Variants in TM9SF3 observed in about 807,000 individuals in gnomAD.
TM9SF3 encodes the protein transmembrane 9 superfamily member 3.
In TM9SF3, 14 loss-of-function variants were observed where a neutral mutation model predicts 78.6. That is an observed-to-expected ratio of 0.18 (90% CI 0.12 to 0.28). The LOEUF (loss-of-function observed/expected upper bound fraction) is 0.28. TM9SF3 is among the 10% of genes least tolerant of loss of function. The probability of loss-of-function intolerance (pLI) is 1.00; values close to 1 mark genes in which losing one functional copy is unlikely to be tolerated. For missense variants in TM9SF3, 496 were observed against 721.9 expected, an observed-to-expected ratio of 0.69 and a Z score of 3.59; for synonymous variants, 231 against 241.7, an observed-to-expected ratio of 0.96 and a Z score of 0.41.
intron 1 of TM9SF3, among the ~76,000 whole-genome samples, chr10:96,579,062 G>A (rs1225891838): frequency 6.6e-6 from 1 of 152,106 alleles, no homozygotes; most frequent in Non-Finnish European, 1.5e-5. Context: ...TGGGTAACAG[G>A]GCGAGACTCA....
chr10:96,567,388 C>G (rs1848389520), intron 2 of TM9SF3, among the ~76,000 whole-genome samples: 1 of 152,118 alleles, frequency 6.6e-6, no homozygotes, highest in South Asian at 2.1e-4. Context: ...CCCGGCCAAT[C>G]TGTATAAAGC....
intron 2 of TM9SF3, among the ~76,000 whole-genome samples, chr10:96,572,711 G>A (rs1848450284): frequency 6.6e-6 from 1 of 151,624 alleles, no homozygotes; most frequent in South Asian, 2.1e-4. Context: ...TGTATTTTTA[G>A]TAGAGATGGG....
At chr10:96,524,153 T>C (rs1361494619) in intron 14 of TM9SF3, among the ~76,000 whole-genome samples, 3 of 151,860 alleles carry the variant, frequency 2.0e-5, no homozygotes, top group Non-Finnish European at 4.4e-5. Context: ...TCCCTATTTT[T>C]GTATGTATTT....
Position 96,518,736 on chromosome 10 carries a change from CAT to C in TM9SF3, c.*3525_*3526del, listed in dbSNP as rs758998166. The C allele has an allele frequency of 1.3e-5, 2 of 152,102 alleles. No homozygotes were observed. The highest frequency in any genetic ancestry group is 2.4e-5 in the African/African-American group (1 of 41,444). 9.4% of individuals were successfully genotyped at this position (152,102 alleles called of 1,614,324 possible). ...AAGTCTTACCAGATTTCTGCAGGTT[CAT>C]ATGTTAACGTTCTGATCTAGCCTAC... On this transcript the variant is annotated 3_prime_UTR_variant, in exon 15 of 15. Transcript: ENST00000371142.
intron 2 of TM9SF3, among the ~76,000 whole-genome samples, chr10:96,573,436 C>T (rs1008310406): frequency 3.3e-5 from 5 of 152,190 alleles, no homozygotes; most frequent in African/African-American, 1.2e-4. Context: ...TCAGCATCTA[C>T]TATTTCATCT....
chr10:96,543,926 G>A, intron 9 of TM9SF3, 150 bp downstream of exon 9: 1 of 688,860 alleles, frequency 1.5e-6, no homozygotes, highest in Non-Finnish European at 2.1e-6. Flanking sequence ...GCTAACAACA[G>A]TAGTATTCTC....
intron 9 of TM9SF3, among the ~76,000 whole-genome samples, chr10:96,542,107 TCAAA>T (rs1344906490): frequency 6.6e-6 from 1 of 152,150 alleles, no homozygotes. Flanking sequence ...TGTCAAGAAG[TCAAA>T]CAACTAAAAC....
At chr10:96,568,065 T>C (rs1440502397) in intron 2 of TM9SF3, among the ~76,000 whole-genome samples, 1 of 152,214 alleles carries the variant, frequency 6.6e-6, no homozygotes, top group Admixed American at 6.5e-5. Flanking sequence ...GAAAATCTAT[T>C]ATTATGACAG....
At chr10:96,586,584 G>A in intron 1 of TM9SF3, 150 bp downstream of exon 1, 1 of 573,338 alleles carries the variant, frequency 1.7e-6, no homozygotes, top group Non-Finnish European at 2.5e-6. Flanking sequence ...CGCTCCCAAG[G>A]TTCCTGCTCC....
intron 7 of TM9SF3, 139 bp from the exon 8 acceptor site, chr10:96,548,128 A>C: frequency 5.4e-6 from 3 of 555,926 alleles, no homozygotes; most frequent in Non-Finnish European, 9.1e-6. Flanking sequence ...ACTACAAATA[A>C]AACTCAAAAG....
intron 7 of TM9SF3, 45 bp downstream of exon 7, chr10:96,551,200 T>A: frequency 6.8e-7 from 1 of 1,466,678 alleles, no homozygotes; most frequent in South Asian, 1.4e-5. Context: ...ATTAAAACTA[T>A]TTAAGAACAA....
chr10:96,521,421 A>G lies in TM9SF3; in HGVS notation c.*842T>C, dbSNP rs1589443766. ...AAAGATTTAAGACTAACTTGGGGGG[A>G]AAAAAGATAATCACTTTAGACATTC... On this transcript the variant is annotated 3_prime_UTR_variant, in exon 15 of 15. Transcript: ENST00000371142. The G allele has an allele frequency of 6.6e-6, 1 of 152,502 alleles. No individual in the cohort carries two copies. Among genetic ancestry groups the G allele is most frequent in the East Asian group, 1.9e-4 (1 of 5,180 alleles). 9.4% of individuals were successfully genotyped at this position (152,502 alleles called of 1,614,324 possible).
chr10:96,550,428 G>C (rs1313514390), intron 7 of TM9SF3, among the ~76,000 whole-genome samples: 1 of 152,166 alleles, frequency 6.6e-6, no homozygotes, highest in African/African-American at 2.4e-5. Context: ...CAGGCATATA[G>C]AGGAAAGAGT....
intron 7 of TM9SF3, 48 bp downstream of exon 7, chr10:96,551,197 C>T: frequency 7.0e-7 from 1 of 1,430,228 alleles, no homozygotes; most frequent in South Asian, 1.4e-5. Flanking sequence ...GTGATTAAAA[C>T]TATTTAAGAA....
At position 96,560,072 on chromosome 10, in the gene TM9SF3, T is replaced by A. The variant is rs115771362; in HGVS notation, c.583-336A>T. 1.5e-3 allele frequency: 892 copies of A among 582,722 alleles called. 3 individuals are homozygous for A. The highest frequency in any genetic ancestry group is 0.013 in the African/African-American group (717 of 53,338). The allele number at this position is 582,722 out of a possible 1,614,324, so 36.1% of individuals were successfully genotyped here. A position where few individuals can be genotyped will look rare whatever the true frequency, so the allele number is the denominator to read the frequency against. ...TCACAAGTGTCTAAATCAATTAAAA[T>A]AAGAATCTGTACATCTGCCTGGTGT... On this transcript the variant is annotated intron_variant, in intron 4 of 14. Transcript: ENST00000371142.
intron 1 of TM9SF3, among the ~76,000 whole-genome samples, chr10:96,582,472 A>G (rs1484740459): frequency 6.6e-6 from 1 of 152,220 alleles, no homozygotes; most frequent in Non-Finnish European, 1.5e-5. Flanking sequence ...TAGGAGACAT[A>G]GTAATCTAAC....
At chr10:96,543,967 C>T (rs1236976609) in intron 9 of TM9SF3, 109 bp downstream of exon 9, 4 of 1,168,254 alleles carry the variant, frequency 3.4e-6, no homozygotes, top group Non-Finnish European at 4.7e-6. Flanking sequence ...TGAGTATGAA[C>T]TGACTGAAAC....
chr10:96,529,220 G>C (rs1021910477), intron 11 of TM9SF3, among the ~76,000 whole-genome samples: 1 of 152,098 alleles, frequency 6.6e-6, no homozygotes, highest in African/African-American at 2.4e-5. Flanking sequence ...CAACTCCTAA[G>C]GTACTAATGC....
rs1848640480 is a variant in TM9SF3 at position 96,586,886 on chromosome 10, GCCGCCT to G, written c.-57_-52del. On this transcript the variant is annotated 5_prime_UTR_variant, in exon 1 of 15. Transcript: ENST00000371142. ...CGGCTCACCGACTCCTCCTCCCGCC[GCCGCCT>G]CCTCCGCCGCCGCCGCCTCCGCCGC... 3 of 975,254 alleles carry G rather than the reference GCCGCCT, an allele frequency of 3.1e-6. No homozygotes were observed. The highest frequency in any genetic ancestry group is 3.8e-6 in the Non-Finnish European group (3 of 783,774). 60.4% of individuals were successfully genotyped at this position (975,254 alleles called of 1,614,324 possible).
Sources: gnomAD v4.1 joint callset for allele counts (sites outside exome capture counted in the v4.1 genomes callset) on GRCh38, gnomAD v4.1.1 for gene constraint, MANE v1.5 for transcripts, NCBI Gene and HGNC (gene_info 2026-07-23, HGNC 2026-07-21) for gene names.